NLRP4: variants seen among roughly 807,000 people sequenced by gnomAD.
NLRP4 encodes NLR family pyrin domain containing 4.
A neutral mutation model predicts 84.7 loss-of-function variants in NLRP4; 44 were observed. The ratio of observed to expected loss-of-function variants is 0.52; its 90% CI spans 0.41 to 0.67. NLRP4 has a LOEUF of 0.67. NLRP4 is among the 30% of genes least tolerant of loss of function. The pLI is 0.00. For missense variants in NLRP4, 1,260 were observed against 1,219.4 expected (o/e 1.03, Z -0.50); for synonymous variants, 544 against 476.4 (o/e 1.14, Z -1.85).
At chr19:55,849,889 C>CGAGACTGCG in intron 1 of NLRP4, among the ~76,000 whole-genome samples, 2 of 10,784 alleles carry the variant, frequency 1.9e-4, no homozygotes, top group African/African-American at 1.1e-3. Context: ...GTGTAATTTC[C>CGAGACTGCG]GTGGCCGGCG....
chr19:55,842,464 C>A (rs1983647052), intron 1 of NLRP4, among the ~76,000 whole-genome samples: 1 of 151,736 alleles, frequency 6.6e-6, no homozygotes, highest in Admixed American at 6.6e-5. Context: ...ATCAGAATTT[C>A]TTATCAAATT....
chr19:55,853,751 C>T (rs1184926828), intron 2 of NLRP4, among the ~76,000 whole-genome samples: 1 of 127,046 alleles, frequency 7.9e-6, no homozygotes, highest in Non-Finnish European at 1.5e-5. Context: ...CTTTTTCTTT[C>T]TCTTTCTCTT....
At chr19:55,871,512 A>G (rs561796356) in intron 7 of NLRP4, among the ~76,000 whole-genome samples, 6 of 152,268 alleles carry the variant, frequency 3.9e-5, no homozygotes, top group African/African-American at 1.4e-4. Flanking sequence ...CAAATAGAGA[A>G]ATATCTGGGT....
chr19:55,857,594 C>T (rs1984491868), intron 2 of NLRP4, 80 bp from the exon 3 acceptor site: 1 of 1,346,960 alleles, frequency 7.4e-7, no homozygotes, highest in East Asian at 2.3e-5. Flanking sequence ...TGGAAAGATA[C>T]ATCCTGAGAA....
At chr19:55,875,464 AAAAG>A (rs1226183207) in intron 7 of NLRP4, among the ~76,000 whole-genome samples, 2 of 152,208 alleles carry the variant, frequency 1.3e-5, no homozygotes, top group African/African-American at 4.8e-5. Context: ...AGTAACATAA[AAAAG>A]AAATTACCTA....
chr19:55,864,774 C>T (rs1984890138), intron 5 of NLRP4, among the ~76,000 whole-genome samples: 1 of 151,496 alleles, frequency 6.6e-6, no homozygotes, highest in Non-Finnish European at 1.5e-5. Flanking sequence ...TTTATTATAC[C>T]CATCCTAGTA....
In NLRP4 at chr19:55,850,788, C is replaced by T. The variant is rs372252260; in HGVS notation, c.-65-1228C>T. Among the ~76,000 whole-genome samples, 390 of 47,390 alleles carry T rather than the reference C, an allele frequency of 8.2e-3. 14 individuals are homozygous for T. The highest frequency in any genetic ancestry group is 0.01 in the Non-Finnish European group (271 of 26,772). 31.1% of individuals were successfully genotyped at this position (47,390 alleles called of 152,430 possible). ...TAATTTCCGAGGCTGCGGTGTAATT[C>T]CCGAGGCTGCGGTGTAATTTCCGAG... is the stretch of plus-strand genomic sequence containing the variant. On this transcript the variant is annotated intron_variant, in intron 1 of 9. Coordinates refer to ENST00000301295, the MANE Select transcript of NLRP4 (RefSeq NM_134444.5).
intron 1 of NLRP4, among the ~76,000 whole-genome samples, chr19:55,848,826 G>T (rs577595527): frequency 1.3e-5 from 2 of 151,932 alleles, no homozygotes; most frequent in African/African-American, 4.9e-5. Flanking sequence ...GGAGGGACCC[G>T]GTGGGAGATA....
Position 55,877,177 on chromosome 19 carries a change from C to G in NLRP4, c.2696+11C>G, listed in dbSNP as rs571416755. 2.5e-5 allele frequency: 41 copies of G among 1,611,526 alleles called. No homozygotes were observed. Among genetic ancestry groups the G allele is most frequent in the Non-Finnish European group, 3.4e-5 (40 of 1,178,062 alleles). The stretch of plus-strand genomic sequence containing the variant: ...CTTAGAGATTCTTGGGTGGGTATCG[C>G]CAAGCTCCTGGTTATGTTTTCATGA... On this transcript the variant is annotated intron_variant, in intron 8 of 9. Coordinates refer to ENST00000301295, the MANE Select transcript of NLRP4 (RefSeq NM_134444.5).
At chr19:55,852,886 G>A (rs1449972075) in intron 2 of NLRP4, among the ~76,000 whole-genome samples, 1 of 152,160 alleles carries the variant, frequency 6.6e-6, no homozygotes, top group African/African-American at 2.4e-5. Context: ...CTTTATCTGG[G>A]TCACCAATGA....
At chr19:55,848,378 T>C (rs415855) in intron 1 of NLRP4, among the ~76,000 whole-genome samples, 54,458 of 151,552 alleles carry the variant, frequency 0.36, 12,726 homozygotes, top group African/African-American at 0.67. Flanking sequence ...ACTATAGTAT[T>C]GTATACTATA....
intron 1 of NLRP4, among the ~76,000 whole-genome samples, chr19:55,847,144 A>C (rs1287992471): frequency 6.7e-6 from 1 of 148,168 alleles, no homozygotes; most frequent in East Asian, 1.9e-4. Context: ...CAAATTACCT[A>C]TTTTATTTGA....
Position 55,850,748 on chromosome 19 carries a change from C to G in NLRP4, c.-65-1268C>G, listed in dbSNP as rs1352425525. On this transcript the variant is annotated intron_variant, in intron 1 of 9. Transcript: ENST00000301295. ...TACTTTCCGAGGCTGCGGTGTACTT[C>G]CCGAGGCTGCGGTGTAATTTCCGAG... Among the ~76,000 whole-genome samples the G allele has an allele frequency of 1.1e-4, 11 of 95,950 alleles. 2 individuals are homozygous for G. The highest frequency in any genetic ancestry group is 6.1e-5 in the Non-Finnish European group (3 of 49,248). 62.9% of individuals were successfully genotyped at this position (95,950 alleles called of 152,430 possible). A position where few individuals can be genotyped will look rare whatever the true frequency, so the allele number is the denominator to read the frequency against.
Position 55,858,266 on chromosome 19 carries a change from G to A in NLRP4, c.873G>A (p.Val291=), listed in dbSNP as rs1049521836. The A allele has an allele frequency of 6.2e-7, 1 of 1,614,180 alleles. No individual in the cohort carries two copies. Among genetic ancestry groups the A allele is most frequent in the Non-Finnish European group, 8.5e-7 (1 of 1,180,028 alleles). The change falls in exon 3 of 10, where the codon GTG becomes GTA. Residue 291 remains valine, a synonymous_variant. Coordinates refer to ENST00000301295, the MANE Select transcript of NLRP4 (RefSeq NM_134444.5). This position sits in a 1 kb window ranked among gnomAD's most constrained non-coding sequence, Gnocchi z 4.2. The part of the protein sequence containing the change: ...PVCPKELRDQ[V]TISEIYQPRG... Reference sequence around the variant, plus strand: ...GCCCGAAGGAGCTCCGGGATCAGGTGACGATCTCAGAAATCTACCAGCCCC... The same window carrying A: ...GCCCGAAGGAGCTCCGGGATCAGGTAACGATCTCAGAAATCTACCAGCCCC...
chr19:55,845,981 C>T (rs1019141478), intron 1 of NLRP4, among the ~76,000 whole-genome samples: 3 of 152,108 alleles, frequency 2.0e-5, no homozygotes, highest in African/African-American at 7.2e-5. Context: ...GTTGCCTGAT[C>T]ACTCTGATGG....
intron 1 of NLRP4, among the ~76,000 whole-genome samples, chr19:55,846,428 A>G (rs969807930): frequency 6.6e-6 from 1 of 152,162 alleles, no homozygotes; most frequent in Non-Finnish European, 1.5e-5. Context: ...CCACATCAAG[A>G]AAAGTCCAAC....
chr19:55,872,476 C>G (rs1182150689), intron 7 of NLRP4, among the ~76,000 whole-genome samples: 6 of 152,096 alleles, frequency 3.9e-5, no homozygotes, highest in Non-Finnish European at 4.4e-5. Flanking sequence ...AGCTATTATA[C>G]TTACTATGTT....
chr19:55,849,984 A>AATTTCCGAGACTGCGGTGTG lies in NLRP4; in HGVS notation c.-65-1984_-65-1965dup, dbSNP rs762151241. On this transcript the variant is annotated intron_variant, in intron 1 of 9. Coordinates refer to ENST00000301295, the MANE Select transcript of NLRP4 (RefSeq NM_134444.5). ...GGTGTAATTTCCGTAGCTGCGGTGTAATTTCCGAGACTGCGGTGTGATTTC... is the reference window on the plus strand; with the variant it reads ...GGTGTAATTTCCGTAGCTGCGGTGTAATTTCCGAGACTGCGGTGTGATTTCCGAGACTGCGGTGTGATTTC... 7.7e-4 allele frequency among the ~76,000 whole-genome samples: 58 copies of AATTTCCGAGACTGCGGTGTG among 75,488 alleles called. 11 individuals carry two copies. The highest frequency in any genetic ancestry group is 5.3e-3 in the African/African-American group (56 of 10,572). The allele number at this position is 75,488 out of a possible 152,430, so 49.5% of individuals were successfully genotyped here.
In NLRP4 at chr19:55,843,414, C is replaced by T. The variant is rs546493641; in HGVS notation, c.-66+6480C>T. ...GGTTAATAGAAACATCCAGGCCAGG[C>T]ACAGTGGCTCACACACCTGTAATCC... On this transcript the variant is annotated intron_variant, in intron 1 of 9. Coordinates refer to ENST00000301295, the MANE Select transcript of NLRP4 (RefSeq NM_134444.5). Among the ~76,000 whole-genome samples the T allele has an allele frequency of 3.2e-4, 49 of 152,100 alleles. 1 individual carries two copies. In the South Asian group the frequency reaches 9.8e-3, roughly 30 times the overall value.
Sources: allele counts gnomAD v4.1 joint callset (sites outside exome capture counted in the v4.1 genomes callset), GRCh38; gene constraint gnomAD v4.1.1; non-coding constraint Gnocchi (gnomAD v3.1); transcripts MANE v1.5; gene names NCBI Gene and HGNC (gene_info 2026-07-23, HGNC 2026-07-21).